The following TJP1 variants were observed in gnomAD, a reference collection of about 807,000 sequenced individuals.
TJP1 encodes tight junction protein ZO-1.
Under a neutral mutation model 194.2 loss-of-function variants are expected in TJP1, and 43 were observed. The ratio of observed to expected loss-of-function variants is 0.22; its 90% CI spans 0.17 to 0.29. The LOEUF is 0.29. Among genes scored for constraint, TJP1 ranks in the 10% least tolerant of loss-of-function variants. The pLI is 1.00. For synonymous variants in TJP1, 801 were observed against 779.0 expected, an observed-to-expected ratio of 1.03 and a Z score of -0.47; for missense variants, 1,971 against 2,185.7, an observed-to-expected ratio of 0.90 and a Z score of 1.96.
At chr15:29,952,733 A>C (rs933400529) in intron 2 of TJP1, among the ~76,000 whole-genome samples, 1 of 152,214 alleles carries the variant, frequency 6.6e-6, no homozygotes, top group Non-Finnish European at 1.5e-5. Context: ...ACTAAGTCTA[A>C]GCTTTCCTAT....
chr15:29,908,736 C>T (rs1010186457), intron 2 of TJP1, among the ~76,000 whole-genome samples: 2 of 152,228 alleles, frequency 1.3e-5, no homozygotes, highest in African/African-American at 2.4e-5. Context: ...AAAAGAGGCT[C>T]GGCCGGGCAC....
chr15:29,917,972 T>C (rs1168178839), intron 2 of TJP1, among the ~76,000 whole-genome samples: 1 of 152,202 alleles, frequency 6.6e-6, no homozygotes, highest in Non-Finnish European at 1.5e-5. Flanking sequence ...TCTGTACTTA[T>C]CAAACACTAA....
chr15:29,786,611 C>T (rs2047715944), intron 2 of TJP1, among the ~76,000 whole-genome samples: 2 of 152,078 alleles, frequency 1.3e-5, no homozygotes, highest in African/African-American at 4.8e-5. Flanking sequence ...GTGATCCTAT[C>T]GCCTCAGCCT....
intron 2 of TJP1, among the ~76,000 whole-genome samples, chr15:29,779,052 G>A (rs2047190526): frequency 6.6e-6 from 1 of 152,178 alleles, no homozygotes; most frequent in African/African-American, 2.4e-5. Context: ...CCACTAGCAA[G>A]TCACATAGCA....
At chr15:29,845,640 T>C (rs1397226434) in intron 2 of TJP1, among the ~76,000 whole-genome samples, 1 of 151,634 alleles carries the variant, frequency 6.6e-6, no homozygotes, top group Non-Finnish European at 1.5e-5. Context: ...CCATCTCTAC[T>C]GAAAAAAAAC....
chr15:29,726,890 T>C lies in TJP1; in HGVS notation c.2202A>G (p.Gln734=). ...IVVFLNPDSK[Q]GVKTMRMRLC... ...ACCTCATTCTCATTGTTTTTACTCC[T>C]TGCTTAGAATCAGGGTTAAGAAATA... The change falls in exon 17 of 28, where the codon CAA becomes CAG. Residue 734 remains glutamine (Q), a synonymous_variant. Coordinates refer to ENST00000614355, the MANE Select transcript of TJP1 (RefSeq NM_001330239.4). 1 of 1,614,224 alleles carries C rather than the reference T, an allele frequency of 6.2e-7. No individual in the cohort carries two copies. The highest frequency in any genetic ancestry group is 8.5e-7 in the Non-Finnish European group (1 of 1,180,044).
At chr15:29,799,861 G>GTT (rs1379191655) in intron 2 of TJP1, among the ~76,000 whole-genome samples, 2 of 152,178 alleles carry the variant, frequency 1.3e-5, no homozygotes, top group African/African-American at 2.4e-5. Flanking sequence ...GGTAGAAATA[G>GTT]TAAGTGTAAA....
chr15:29,948,025 G>C (rs1421958772), intron 2 of TJP1, among the ~76,000 whole-genome samples: 1 of 152,168 alleles, frequency 6.6e-6, no homozygotes, highest in Non-Finnish European at 1.5e-5. Flanking sequence ...CCAGCACTTT[G>C]GGAGGCCAAG....
chr15:29,893,849 A>G (rs1173487903), intron 2 of TJP1, among the ~76,000 whole-genome samples: 1 of 152,148 alleles, frequency 6.6e-6, no homozygotes, highest in African/African-American at 2.4e-5. Context: ...AGATATCCCT[A>G]TAAACGATAA....
chr15:29,807,366 A>T (rs2151925605), intron 1 of TJP1, among the ~76,000 whole-genome samples: 1 of 152,360 alleles, frequency 6.6e-6, no homozygotes, highest in Non-Finnish European at 1.5e-5. Flanking sequence ...AGGGACAGTT[A>T]CAAATATTCT....
At chr15:29,833,872 TATATA>T (rs2050918423) in intron 2 of TJP1, among the ~76,000 whole-genome samples, 1 of 25,630 alleles carries the variant, frequency 3.9e-5, no homozygotes, top group African/African-American at 1.4e-4. Flanking sequence ...TATATATATA[TATATA>T]TATATTTTTT....
chr15:29,965,295 C>T (rs1360677009), intron 1 of TJP1, among the ~76,000 whole-genome samples: 4 of 151,934 alleles, frequency 2.6e-5, no homozygotes, highest in South Asian at 2.1e-4. Flanking sequence ...CTGCAACCTC[C>T]GCCTCCTAGG....
intron 2 of TJP1, among the ~76,000 whole-genome samples, chr15:29,864,111 C>T (rs557313946): frequency 4.6e-5 from 7 of 151,776 alleles, no homozygotes; most frequent in South Asian, 2.1e-4. Context: ...AAGTTGTACC[C>T]GGCCGGGCGC....
intron 2 of TJP1, among the ~76,000 whole-genome samples, chr15:29,864,453 T>G (rs1361138858): frequency 2.0e-5 from 3 of 152,096 alleles, no homozygotes; most frequent in Non-Finnish European, 4.4e-5. Context: ...TCATTTAGCT[T>G]AGTAACTCAA....
chr15:29,942,857 T>A (rs1309393112), intron 2 of TJP1, among the ~76,000 whole-genome samples: 1 of 152,248 alleles, frequency 6.6e-6, no homozygotes, highest in Admixed American at 6.5e-5. Context: ...TAAGCACCTA[T>A]AAGAACCAAC....
rs1230137079 is a variant in TJP1, at chr15:29,822,352, G to C, written c.-324C>G. 16 of 1,051,218 alleles carry C rather than the reference G, an allele frequency of 1.5e-5. No homozygotes were observed. The highest frequency in any genetic ancestry group is 1.8e-5 in the Non-Finnish European group (16 of 872,352). The allele number at this position is 1,051,218 out of a possible 1,614,324, so 65.1% of individuals were successfully genotyped here. On this transcript the variant is annotated 5_prime_UTR_variant, in exon 1 of 28. Transcript: ENST00000614355. Reference sequence around the variant, plus strand: ...GGTCGCCCGCCCGTCAGCAGCACCCGTGGCCTCCCGGCGTCTCCTCGGAAG... The same window carrying C: ...GGTCGCCCGCCCGTCAGCAGCACCCCTGGCCTCCCGGCGTCTCCTCGGAAG...
chr15:29,800,454 G>T, intron 2 of TJP1, 192 bp downstream of exon 2: 2 of 582,348 alleles, frequency 3.4e-6, no homozygotes, highest in Non-Finnish European at 6.0e-6. Flanking sequence ...TACTCAAAAG[G>T]ATATATGAAA....
intron 2 of TJP1, among the ~76,000 whole-genome samples, chr15:29,909,119 T>C (rs540194147): frequency 7.0e-6 from 1 of 143,690 alleles, no homozygotes; most frequent in South Asian, 2.2e-4. Context: ...ATTGCGCCAC[T>C]GCACTCCAGC....
intron 1 of TJP1, among the ~76,000 whole-genome samples, chr15:29,816,632 T>A (rs183493626): frequency 6.6e-6 from 1 of 152,200 alleles, no homozygotes; most frequent in South Asian, 2.1e-4. Context: ...CAAGTATGCA[T>A]TGATCAGTAA....
Sources: allele counts gnomAD v4.1 joint callset (sites outside exome capture counted in the v4.1 genomes callset), GRCh38; gene constraint gnomAD v4.1.1; transcripts MANE v1.5; gene names NCBI Gene and HGNC (gene_info 2026-07-23, HGNC 2026-07-21).